BCAT1: variants seen among roughly 807,000 people sequenced by gnomAD.
BCAT1 encodes branched chain amino acid transaminase 1.
BCAT1 carries 48 observed loss-of-function variants against 52.4 expected under a neutral mutation model. The ratio of observed to expected loss-of-function variants is 0.92; its 90% CI spans 0.73 to 1.16. The LOEUF (loss-of-function observed/expected upper bound fraction) is 1.16, where lower values mean the gene tolerates loss of function less well. Among genes scored for constraint, BCAT1 ranks in the 50% most tolerant of loss-of-function variants. The pLI, the probability that BCAT1 is intolerant of heterozygous loss-of-function variation, is 0.00. For synonymous variants in BCAT1, 167 were observed against 161.3 expected (o/e 1.04, Z -0.27); for missense variants, 451 against 457.1 (o/e 0.99, Z 0.12).
rs139028630 is a variant in BCAT1 at position 24,821,453 on chromosome 12, T to C, written c.1120-3404A>G. On this transcript the variant is annotated intron_variant, in intron 10 of 10. Transcript: ENST00000261192. Reference sequence around the variant, plus strand: ...TACTTAAAAGCCAGGCTCTAGCTTTTATGTGATTATTTGTTGACAGCAGTG... The same window carrying C: ...TACTTAAAAGCCAGGCTCTAGCTTTCATGTGATTATTTGTTGACAGCAGTG... 9.8e-5 allele frequency among the ~76,000 whole-genome samples: 15 copies of C among 152,346 alleles called. No homozygotes were observed. In the East Asian group the frequency reaches 2.9e-3, roughly 29 times the overall value.
intron 1 of BCAT1, among the ~76,000 whole-genome samples, chr12:24,911,232 T>A (rs771488271): frequency 2.6e-5 from 4 of 151,958 alleles, no homozygotes; most frequent in Non-Finnish European, 2.9e-5. Context: ...TTGTTTAGAG[T>A]TTTTTTTGCA....
chr12:24,925,097 G>A (rs1239971918), intron 1 of BCAT1, among the ~76,000 whole-genome samples: 1 of 152,198 alleles, frequency 6.6e-6, no homozygotes, highest in Admixed American at 6.5e-5. Context: ...AAATGTTGCT[G>A]TGAAAGTATT....
Position 24,901,747 on chromosome 12 carries a change from T to C in BCAT1, c.78+67A>G. On this transcript the variant is annotated intron_variant, in intron 2 of 10. Coordinates refer to ENST00000261192, the MANE Select transcript of BCAT1 (RefSeq NM_005504.7). ...CACACAGTGAAAATTTCCCCGAATCTCAACAAGAAATGGATTTATTCAGTT... is the reference window on the plus strand; with the variant it reads ...CACACAGTGAAAATTTCCCCGAATCCCAACAAGAAATGGATTTATTCAGTT... 4 of 1,515,098 alleles carry C rather than the reference T, an allele frequency of 2.6e-6. 1 individual carries two copies. In the South Asian group the frequency reaches 4.7e-5, roughly 18 times the overall value. 93.9% of individuals were successfully genotyped at this position (1,515,098 alleles called of 1,614,324 possible).
chr12:24,925,708 G>T (rs1293466889), intron 1 of BCAT1, among the ~76,000 whole-genome samples: 14 of 152,112 alleles, frequency 9.2e-5, no homozygotes, highest in Non-Finnish European at 1.9e-4. Flanking sequence ...TCCTGCCTCA[G>T]CCTGCCGAGT....
chr12:24,898,804 C>T (rs1296053974), intron 2 of BCAT1, among the ~76,000 whole-genome samples: 2 of 152,104 alleles, frequency 1.3e-5, no homozygotes, highest in Non-Finnish European at 1.5e-5. Context: ...GGGTGAGTCA[C>T]CATGCCAGGC....
At chr12:24,853,976 G>A (rs1265398355) in intron 5 of BCAT1, among the ~76,000 whole-genome samples, 1 of 152,160 alleles carries the variant, frequency 6.6e-6, no homozygotes, top group Non-Finnish European at 1.5e-5. Context: ...CTGAAATGAT[G>A]ATGTGTTTAA....
intron 1 of BCAT1, among the ~76,000 whole-genome samples, chr12:24,905,393 G>C (rs554224275): frequency 6.6e-6 from 1 of 152,296 alleles, no homozygotes; most frequent in Admixed American, 6.5e-5. Flanking sequence ...TCCACAGTAG[G>C]GGAGAGAAGT....
At chr12:24,880,319 T>C (rs1942455430) in intron 4 of BCAT1, among the ~76,000 whole-genome samples, 1 of 152,198 alleles carries the variant, frequency 6.6e-6, no homozygotes, top group Non-Finnish European at 1.5e-5. Context: ...AAGCTGGGCA[T>C]GGCTGCGTGC....
chr12:24,889,970 A>AG lies in BCAT1; in HGVS notation c.279+4304dup, dbSNP rs1345629026. ...AGCTTCCGGATAGCAGAACACATGAAGGTTCCTAAAGGGTGGCACACCCCG... is the reference window on the plus strand; with the variant it reads ...AGCTTCCGGATAGCAGAACACATGAAGGGTTCCTAAAGGGTGGCACACCCCG... On this transcript the variant is annotated intron_variant, in intron 3 of 10. Coordinates refer to ENST00000261192, the MANE Select transcript of BCAT1 (RefSeq NM_005504.7). Among the ~76,000 whole-genome samples, 4 of 152,330 alleles carry AG rather than the reference A, an allele frequency of 2.6e-5. No homozygotes were observed. The East Asian group carries it at 7.7e-4, about 29-fold the overall frequency.
At chr12:24,902,592 G>A (rs780962302) in intron 1 of BCAT1, 11 of 430,346 alleles carry the variant, frequency 2.6e-5, no homozygotes, top group Non-Finnish European at 4.2e-5. Flanking sequence ...CACGTAGGAT[G>A]TGGCTGTGGG....
chr12:24,864,427 G>C (rs1941942760), intron 5 of BCAT1, among the ~76,000 whole-genome samples: 1 of 152,168 alleles, frequency 6.6e-6, no homozygotes. Context: ...GTAATGAAGA[G>C]CTCACACCAA....
chr12:24,903,194 G>T, intron 1 of BCAT1: 1 of 1,108,980 alleles, frequency 9.0e-7, no homozygotes, highest in Non-Finnish European at 1.2e-6. Flanking sequence ...CAACCGTCTC[G>T]TCCCAGTCTG....
Position 24,824,273 on chromosome 12 carries a change from TCCCTCCC to T in BCAT1, c.1119+5543_1119+5549del, listed in dbSNP as rs1566554057. ...TTCCTTCCTTCCTTCCTTCATTCCC[TCCCTCCC>T]TCCCTCCCTCCCTCCCTCCCTCCTT... On this transcript the variant is annotated intron_variant, in intron 10 of 10. Transcript: ENST00000261192. Among the ~76,000 whole-genome samples the T allele has an allele frequency of 5.2e-4, 75 of 144,786 alleles. 1 individual carries two copies. Among genetic ancestry groups the T allele is most frequent in the African/African-American group, 1.4e-3 (55 of 39,300 alleles). 95.0% of individuals were successfully genotyped at this position (144,786 alleles called of 152,430 possible).
At chr12:24,885,321 G>A (rs569875833) in intron 3 of BCAT1, among the ~76,000 whole-genome samples, 2 of 152,142 alleles carry the variant, frequency 1.3e-5, no homozygotes, top group African/African-American at 2.4e-5. Flanking sequence ...CAGTACTTAG[G>A]TGGAGAAAAA....
intron 4 of BCAT1, among the ~76,000 whole-genome samples, 181 bp from the exon 5 acceptor site, chr12:24,878,830 G>A (rs1421618050): frequency 6.6e-6 from 1 of 151,984 alleles, no homozygotes. Context: ...TTTCTTATTT[G>A]TCCTAATCAT....
At chr12:24,915,981 A>C (rs1943400880) in intron 1 of BCAT1, among the ~76,000 whole-genome samples, 1 of 146,408 alleles carries the variant, frequency 6.8e-6, no homozygotes, top group South Asian at 2.2e-4. Flanking sequence ...AACATGGTGA[A>C]ACCTCATCTC....
chr12:24,844,770 G>A (rs1442754182), intron 6 of BCAT1, among the ~76,000 whole-genome samples: 2 of 151,318 alleles, frequency 1.3e-5, no homozygotes, highest in Non-Finnish European at 2.9e-5. Context: ...GGTGGCTGGC[G>A]CCTGTAGTCC....
At chr12:24,855,689 T>A (rs1312153189) in intron 5 of BCAT1, among the ~76,000 whole-genome samples, 5 of 152,212 alleles carry the variant, frequency 3.3e-5, no homozygotes, top group Admixed American at 6.5e-5. Flanking sequence ...CACCATTCTT[T>A]GTCTTAAATT....
chr12:24,919,555 G>A (rs1211717947), intron 1 of BCAT1, among the ~76,000 whole-genome samples: 1 of 152,138 alleles, frequency 6.6e-6, no homozygotes, highest in African/African-American at 2.4e-5. Context: ...GCAAACTACT[G>A]AACAGAATAT....
Sources: gnomAD v4.1 joint callset for allele counts (sites outside exome capture counted in the v4.1 genomes callset) on GRCh38, gnomAD v4.1.1 for gene constraint, MANE v1.5 for transcripts, NCBI Gene and HGNC (gene_info 2026-07-23, HGNC 2026-07-21) for gene names.